CSMD2: variants seen among roughly 807,000 people sequenced by gnomAD.
CSMD2 encodes the protein CUB and sushi domain-containing protein 2.
Under a neutral mutation model 398.5 loss-of-function variants are expected in CSMD2, and 130 were observed. The observed-to-expected ratio is 0.33, with a 90% CI of 0.28 to 0.38. The LOEUF is 0.38. Among genes scored for constraint, CSMD2 ranks in the 10% least tolerant of loss-of-function variants. CSMD2 has a pLI of 1.00. For synonymous variants in CSMD2, 1,828 were observed against 1,908.5 expected, an observed-to-expected ratio of 0.96 and a Z score of 1.10; for missense variants, 3,829 against 4,764.9, an observed-to-expected ratio of 0.80 and a Z score of 5.78.
chr1:33,620,399 A>G (rs921730401), intron 37 of CSMD2, among the ~76,000 whole-genome samples: 1 of 152,202 alleles, frequency 6.6e-6, no homozygotes, highest in African/African-American at 2.4e-5. Context: ...ACCAGTGGGA[A>G]GCTCTGTTTC....
chr1:33,724,480 T>G (rs780576745), intron 18 of CSMD2, 36 bp downstream of exon 18: 1 of 1,595,282 alleles, frequency 6.3e-7, no homozygotes, highest in Non-Finnish European at 8.6e-7. Context: ...AGGAGAGGAG[T>G]CTGCTACTTT....
Position 33,571,694 on chromosome 1 carries a change from C to T in CSMD2, c.7795G>A (p.Val2599Met), listed in dbSNP as rs138705399. ...VTCPDVSSIS[V>M]EHGRWRLIFE... ...ATAAGCCTCCATCGGCCATGCTCCA[C>T]GCTGATGCTACTGACATCAGGACAA... The change falls in exon 51 of 71, where the codon GTG (valine) becomes ATG (methionine). Residue 2599 changes from valine (V) to methionine (M), a missense_variant. Coordinates refer to ENST00000373381, the MANE Select transcript of CSMD2 (RefSeq NM_001281956.2). 153 of 1,541,254 alleles carry T rather than the reference C, an allele frequency of 9.9e-5. No individual in the cohort carries two copies. Among genetic ancestry groups the T allele is most frequent in the Admixed American group, 8.7e-4 (49 of 56,628 alleles).
In CSMD2 at chr1:33,764,409, G is replaced by T. The variant is rs534600322; in HGVS notation, c.1846+8160C>A. On this transcript the variant is annotated intron_variant, in intron 13 of 70. Coordinates refer to ENST00000373381, the MANE Select transcript of CSMD2 (RefSeq NM_001281956.2). ...CCCCTGACTTTCCACTCAAGGCGAC[G>T]TCCCCTTCAGATCACTGGGAGAATT... Among the ~76,000 whole-genome samples the T allele has an allele frequency of 8.5e-5, 13 of 152,196 alleles. No individual in the cohort carries two copies. The East Asian group carries it at 2.1e-3, about 25-fold the overall frequency.
In CSMD2 at chr1:33,652,266, C is replaced by T. The variant is rs923250342; in HGVS notation, c.4586+57G>A. 2.2e-5 allele frequency: 35 copies of T among 1,583,886 alleles called. 1 individual carries two copies. The Admixed American group carries it at 3.5e-4, about 16-fold the overall frequency. ...GAATACTCACCTGGAGACCCAGGTC[C>T]CAGAGCCCCTAGCCACTCTGAACCC... On this transcript the variant is annotated intron_variant, in intron 28 of 70. Coordinates refer to ENST00000373381, the MANE Select transcript of CSMD2 (RefSeq NM_001281956.2).
In CSMD2 at chr1:33,514,990, A is replaced by G. The variant is rs1470931801; in HGVS notation, c.*1634T>C. ...TCTATTTGCTATTTCAATATGTGAC[A>G]TGAATCTCTGAGGCCAGCATGTCAC... On this transcript the variant is annotated 3_prime_UTR_variant, in exon 71 of 71. Coordinates refer to ENST00000373381, the MANE Select transcript of CSMD2 (RefSeq NM_001281956.2). The G allele has an allele frequency of 6.6e-6, 1 of 152,218 alleles. No homozygotes were observed. Among genetic ancestry groups the G allele is most frequent in the Non-Finnish European group, 1.5e-5 (1 of 68,036 alleles). The allele number at this position is 152,218 out of a possible 1,614,324, so 9.4% of individuals were successfully genotyped here. A position where few individuals can be genotyped will look rare whatever the true frequency, so the allele number is the denominator to read the frequency against.
intron 3 of CSMD2, among the ~76,000 whole-genome samples, chr1:33,963,248 C>A (rs541078958): frequency 6.6e-6 from 1 of 152,348 alleles, no homozygotes; most frequent in South Asian, 2.1e-4. Context: ...ATCTGCTCTT[C>A]TGCACCTTGA....
At chr1:33,970,941 TC>T (rs1558180597) in intron 3 of CSMD2, among the ~76,000 whole-genome samples, 4 of 152,190 alleles carry the variant, frequency 2.6e-5, no homozygotes, top group African/African-American at 9.7e-5. Flanking sequence ...AGTTTCCTCA[TC>T]AGTAAAATCA....
At chr1:34,096,311 A>G (rs1388466540) in intron 1 of CSMD2, among the ~76,000 whole-genome samples, 1 of 151,388 alleles carries the variant, frequency 6.6e-6, no homozygotes, top group Non-Finnish European at 1.5e-5. Flanking sequence ...ATCATACTGA[A>G]TGGGCAAAAA....
At chr1:33,595,766 C>T (rs1448814076) in intron 44 of CSMD2, among the ~76,000 whole-genome samples, 2 of 152,346 alleles carry the variant, frequency 1.3e-5, no homozygotes, top group Middle Eastern at 3.4e-3. Flanking sequence ...TCTACTTTCT[C>T]TGCCCCAGGC....
intron 13 of CSMD2, among the ~76,000 whole-genome samples, chr1:33,743,815 T>G (rs1647168120): frequency 6.6e-6 from 1 of 152,202 alleles, no homozygotes; most frequent in African/African-American, 2.4e-5. Flanking sequence ...AGGGCCCCTT[T>G]GGCAAAAGGC....
chr1:33,629,529 GA>G (rs1642339846), intron 32 of CSMD2, among the ~76,000 whole-genome samples: 1 of 152,154 alleles, frequency 6.6e-6, no homozygotes, highest in African/African-American at 2.4e-5. Flanking sequence ...ACTGTAATGG[GA>G]AATACTTTCA....
At chr1:33,899,552 T>C (rs1247866207) in intron 5 of CSMD2, among the ~76,000 whole-genome samples, 2 of 151,778 alleles carry the variant, frequency 1.3e-5, no homozygotes, top group Admixed American at 1.3e-4. Context: ...GTTGGTACCC[T>C]ACACATAGTA....
At chr1:33,528,460 T>G (rs1032008256) in intron 64 of CSMD2, among the ~76,000 whole-genome samples, 1 of 152,268 alleles carries the variant, frequency 6.6e-6, no homozygotes, top group African/African-American at 2.4e-5. Flanking sequence ...GAGGTCAGCC[T>G]ATGCCTCAGT....
rs1490244232 is a variant in CSMD2, at chr1:33,601,022, A to G, written c.6711-12T>C. ...GCTGTGGCCCATCCCTGTACACAGG[A>G]AACAAGGTCCTGGCATGTCACTAGT... On this transcript the variant is annotated splice_polypyrimidine_tract_variant and intron_variant, in intron 43 of 70. Coordinates refer to ENST00000373381, the MANE Select transcript of CSMD2 (RefSeq NM_001281956.2). 1 of 1,614,114 alleles carries G rather than the reference A, an allele frequency of 6.2e-7. No homozygotes were observed. The highest frequency in any genetic ancestry group is 1.1e-5 in the South Asian group (1 of 91,062).
At chr1:33,634,303 G>A (rs1010639421) in intron 31 of CSMD2, among the ~76,000 whole-genome samples, 5 of 152,194 alleles carry the variant, frequency 3.3e-5, no homozygotes, top group African/African-American at 7.2e-5. Context: ...AGTAAAGTGC[G>A]TGGCCCCCAA....
At chr1:33,575,683 G>A (rs187648511) in intron 49 of CSMD2, among the ~76,000 whole-genome samples, 6 of 152,058 alleles carry the variant, frequency 3.9e-5, no homozygotes, top group African/African-American at 9.7e-5. Flanking sequence ...TCCAACTGGC[G>A]CTCCGGAAAA....
At chr1:34,011,095 T>C (rs1320138667) in intron 3 of CSMD2, among the ~76,000 whole-genome samples, 1 of 152,134 alleles carries the variant, frequency 6.6e-6, no homozygotes, top group Non-Finnish European at 1.5e-5. Flanking sequence ...CTTCACAGCC[T>C]TGGTCACTGT....
chr1:34,037,560 T>C (rs1156582978), intron 2 of CSMD2, among the ~76,000 whole-genome samples: 4 of 152,344 alleles, frequency 2.6e-5, no homozygotes, highest in African/African-American at 9.6e-5. Context: ...TAGCAAGCGC[T>C]GGTTGTCTCC....
At chr1:33,904,616 T>C (rs1316807529) in intron 5 of CSMD2, among the ~76,000 whole-genome samples, 3 of 152,110 alleles carry the variant, frequency 2.0e-5, no homozygotes, top group African/African-American at 7.2e-5. Context: ...TGCTTAATGC[T>C]ACTAAGTTGT....
Sources: allele counts gnomAD v4.1 joint callset (sites outside exome capture counted in the v4.1 genomes callset), GRCh38; gene constraint gnomAD v4.1.1; transcripts MANE v1.5; gene names NCBI Gene and HGNC (gene_info 2026-07-23, HGNC 2026-07-21).